The following SLC66A1 variants were observed in gnomAD, a reference collection of about 807,000 sequenced individuals.
SLC66A1 encodes lysosomal amino acid transporter 1 homolog.
A neutral mutation model predicts 33.0 loss-of-function variants in SLC66A1; 23 were observed. The ratio of observed to expected loss-of-function variants is 0.70; its 90% CI spans 0.50 to 0.99. The LOEUF is 0.99. Among genes scored for constraint, SLC66A1 ranks in the 50% least tolerant of loss-of-function variants. The probability of loss-of-function intolerance (pLI) is 0.00; values close to 1 mark genes in which losing one functional copy is unlikely to be tolerated. For missense variants in SLC66A1, 335 were observed against 383.6 expected (o/e 0.87, Z 1.06); for synonymous variants, 164 against 175.5 (o/e 0.93, Z 0.52).
chr1:19,326,561 G>C lies in SLC66A1; in HGVS notation c.556G>C (p.Val186Leu), dbSNP rs773876067. 1 of 1,614,226 alleles carries C rather than the reference G, an allele frequency of 6.2e-7. No individual in the cohort carries two copies. Among genetic ancestry groups the C allele is most frequent in the Non-Finnish European group, 8.5e-7 (1 of 1,180,042 alleles). The change falls in exon 6 of 8, where the codon GTC becomes CTC. Residue 186 changes from valine to leucine, a missense_variant. Physicochemically the swap from Val to Leu is conservative, Grantham distance 32. Coordinates refer to ENST00000375153, the MANE Select transcript of SLC66A1 (RefSeq NM_001040125.2). ...CACCCGGCAGGAAGTCATTGGCTTC[G>C]TCATCGGCTCCATCTCCAGCGTGTT... ...PFTRQEVIGF[V>L]IGSISSVLYL...
At chr1:19,327,832 G>A (rs1445965624) in intron 7 of SLC66A1, 1 of 349,682 alleles carries the variant, frequency 2.9e-6, no homozygotes, top group Non-Finnish European at 5.7e-6. Context: ...GACAGAGTAG[G>A]AGAAGTCAGG....
At chr1:19,316,250 G>C (rs184025893) in intron 1 of SLC66A1, among the ~76,000 whole-genome samples, 63 of 152,260 alleles carry the variant, frequency 4.1e-4, no homozygotes, top group Non-Finnish European at 2.1e-4. Context: ...GAGAATACAG[G>C]CTGCATCGTC....
chr1:19,327,505 C>G (rs1569804598), intron 7 of SLC66A1, 93 bp downstream of exon 7: 2 of 1,278,060 alleles, frequency 1.6e-6, no homozygotes, highest in East Asian at 5.2e-5. Flanking sequence ...CTCTTCCTCC[C>G]TTCATCCATC....
chr1:19,323,689 G>A (rs1270668538), intron 2 of SLC66A1, among the ~76,000 whole-genome samples: 1 of 142,190 alleles, frequency 7.0e-6, no homozygotes, highest in African/African-American at 2.5e-5. Flanking sequence ...TTGCAGGTGT[G>A]AGCCAACCGT....
rs1569741406 is a variant in SLC66A1, at chr1:19,317,233, A to C, written c.-78-367A>C. Among the ~76,000 whole-genome samples, 10 of 152,318 alleles carry C rather than the reference A, an allele frequency of 6.6e-5. No homozygotes were observed. The South Asian group carries it at 2.1e-3, about 32-fold the overall frequency. On this transcript the variant is annotated intron_variant, in intron 1 of 7. Transcript: ENST00000375153. ...CTGTGTATGAACTCACTGAACCCAC[A>C]CAACAGCTGTATGTGGGAGGCAGCA...
chr1:19,323,003 T>A (rs1239752983), intron 2 of SLC66A1, among the ~76,000 whole-genome samples: 1 of 151,984 alleles, frequency 6.6e-6, no homozygotes, highest in Non-Finnish European at 1.5e-5. Flanking sequence ...CACCTCAGCC[T>A]CTTGAGTAGC....
rs183293617 is a variant in SLC66A1 at position 19,316,950 on chromosome 1, G to A, written c.-78-650G>A. The stretch of plus-strand genomic sequence containing the variant: ...TTTTTTTTTTTTGAGATGGGGTCTT[G>A]TTATGTTGCCCAGGCTGCCAGGCTG... On this transcript the variant is annotated intron_variant, in intron 1 of 7. Transcript: ENST00000375153. Among the ~76,000 whole-genome samples, 72 of 61,052 alleles carry A rather than the reference G, an allele frequency of 1.2e-3. 1 individual carries two copies. In the East Asian group the frequency reaches 0.032, roughly 27 times the overall value. The allele number at this position is 61,052 out of a possible 152,430, so 40.1% of individuals were successfully genotyped here.
chr1:19,325,190 G>A (rs1476679780), intron 3 of SLC66A1, among the ~76,000 whole-genome samples: 1 of 152,208 alleles, frequency 6.6e-6, no homozygotes, highest in Non-Finnish European at 1.5e-5. Context: ...GACTGCCCTG[G>A]TGTCAGGCCA....
rs1388976714 is a variant in SLC66A1 at position 19,329,019 on chromosome 1, G to A, written c.*376G>A. The A allele has an allele frequency of 8.2e-6, 2 of 243,250 alleles. No homozygotes were observed. Among genetic ancestry groups the A allele is most frequent in the South Asian group, 6.5e-5 (1 of 15,416 alleles). The allele number at this position is 243,250 out of a possible 1,614,324, so 15.1% of individuals were successfully genotyped here. A position where few individuals can be genotyped will look rare whatever the true frequency, so the allele number is the denominator to read the frequency against. On this transcript the variant is annotated 3_prime_UTR_variant, in exon 8 of 8. Transcript: ENST00000375153. ...CACCTGTAATCCTAGCACTTTGGGA[G>A]GCCGAAGCGGGTGGACCACTTGACG...
Position 19,317,633 on chromosome 1 carries a change from C to G in SLC66A1, c.-45C>G, listed in dbSNP as rs1157518619. The G allele has an allele frequency of 3.1e-6, 5 of 1,602,996 alleles. No homozygotes were observed. Among genetic ancestry groups the G allele is most frequent in the Non-Finnish European group, 4.3e-6 (5 of 1,174,066 alleles). ...CTGGCCTCAGAACACCAGCGCCCTC[C>G]CTCCGGTGCAGCCCTGCCTGGCCGG... is the stretch of plus-strand genomic sequence containing the variant. On this transcript the variant is annotated 5_prime_UTR_variant, in exon 2 of 8. Coordinates refer to ENST00000375153, the MANE Select transcript of SLC66A1 (RefSeq NM_001040125.2).
chr1:19,328,610 C>G lies in SLC66A1; in HGVS notation c.843C>G (p.Ala281=). ...TCCTGGTGTACAGGCGCAGCACCGC[C>G]GCCTCGGAGCTTGAGCCCCTCCTCC... ...IQFLVYRRST[A]ASELEPLLPS is the part of the protein sequence containing the mutation. Residue 281 remains alanine (A), a synonymous_variant, in exon 8 of 8, where the codon GCC becomes GCG. Coordinates refer to ENST00000375153, the MANE Select transcript of SLC66A1 (RefSeq NM_001040125.2). The surrounding 1 kb of genome is among the most constrained non-coding windows in gnomAD (Gnocchi z 4.7). The G allele has an allele frequency of 6.2e-7, 1 of 1,613,808 alleles. No individual in the cohort carries two copies. Among genetic ancestry groups the G allele is most frequent in the African/African-American group, 1.3e-5 (1 of 75,052 alleles).
rs1464811690 is a variant in SLC66A1, at chr1:19,322,221, C to T, written c.165-2412C>T. 5.5e-5 allele frequency among the ~76,000 whole-genome samples: 8 copies of T among 145,146 alleles called. No homozygotes were observed. The East Asian group carries it at 1.4e-3, about 26-fold the overall frequency. On this transcript the variant is annotated intron_variant, in intron 2 of 7. Coordinates refer to ENST00000375153, the MANE Select transcript of SLC66A1 (RefSeq NM_001040125.2). ...GACGGGTGTAGGTGACTGATGGGGC[C>T]GGGGGCGGGAGGCTCCCTGTCCAGG...
At chr1:19,319,532 A>G (rs1258763456) in intron 2 of SLC66A1, among the ~76,000 whole-genome samples, 2 of 149,916 alleles carry the variant, frequency 1.3e-5, no homozygotes, top group African/African-American at 2.5e-5. Context: ...TTGGTTATCC[A>G]TTCATCCATT....
downstream of SLC66A1, among the ~76,000 whole-genome samples, chr1:19,330,442 ACCGGGG>A (rs1249347008): frequency 6.6e-6 from 1 of 152,076 alleles, no homozygotes; most frequent in Non-Finnish European, 1.5e-5. Context: ...TGTGTCAGAC[ACCGGGG>A]CTGTGGTGAA....
At chr1:19,329,579 G>T (rs188333773), downstream of SLC66A1, among the ~76,000 whole-genome samples, 555 of 152,334 alleles carry the variant, frequency 3.6e-3, no homozygotes, top group Non-Finnish European at 5.8e-3. Context: ...AATGGTTAAG[G>T]TTCTGTTGGA....
chr1:19,319,608 T>TTTTTG (rs2093823860), intron 2 of SLC66A1, among the ~76,000 whole-genome samples: 1 of 147,598 alleles, frequency 6.8e-6, no homozygotes, highest in Admixed American at 6.7e-5. Context: ...CATTCATGTT[T>TTTTTG]TTTTTTTTTT....
intron 1 of SLC66A1, chr1:19,313,294 T>G (rs1023334600): frequency 1.6e-5 from 15 of 964,734 alleles, no homozygotes; most frequent in Non-Finnish European, 1.8e-5. Flanking sequence ...TCTCCTTTCC[T>G]TCCTCTTCTC....
In SLC66A1 at chr1:19,317,627, G is replaced by T; in HGVS notation, c.-51G>T. On this transcript the variant is annotated 5_prime_UTR_variant, in exon 2 of 8. Coordinates refer to ENST00000375153, the MANE Select transcript of SLC66A1 (RefSeq NM_001040125.2). ...CCCTTGCTGGCCTCAGAACACCAGC[G>T]CCCTCCCTCCGGTGCAGCCCTGCCT... 6.3e-7 allele frequency: 1 copy of T among 1,598,456 alleles called. No individual in the cohort carries two copies. Among genetic ancestry groups the T allele is most frequent in the Non-Finnish European group, 8.5e-7 (1 of 1,171,966 alleles).
chr1:19,313,842 A>C (rs1229541978), intron 1 of SLC66A1, among the ~76,000 whole-genome samples: 1 of 152,202 alleles, frequency 6.6e-6, no homozygotes, highest in Non-Finnish European at 1.5e-5. Flanking sequence ...ACCCTGACTC[A>C]GCTTGGGATC....
Sources: allele counts gnomAD v4.1 joint callset (sites outside exome capture counted in the v4.1 genomes callset), GRCh38; gene constraint gnomAD v4.1.1; non-coding constraint Gnocchi (gnomAD v3.1); transcripts MANE v1.5; gene names NCBI Gene and HGNC (gene_info 2026-07-23, HGNC 2026-07-21).